MED4: variants seen among roughly 807,000 people sequenced by gnomAD.
MED4 encodes mediator of RNA polymerase II transcription subunit 4.
A neutral mutation model predicts 35.0 loss-of-function variants in MED4; 21 were observed. The ratio of observed to expected loss-of-function variants is 0.60; its 90% confidence interval spans 0.43 to 0.86. The LOEUF (loss-of-function observed/expected upper bound fraction) is 0.86. Ranked by LOEUF, MED4 falls within the 40% of genes least tolerant of loss-of-function variation. MED4 has a pLI of 0.00. For missense variants in MED4, 300 were observed against 319.4 expected (o/e 0.94, Z 0.46); for synonymous variants, 138 against 114.0 (o/e 1.21, Z -1.34).
At chr13:48,088,097 A>C (rs924704991) in intron 2 of MED4, among the ~76,000 whole-genome samples, 6 of 152,192 alleles carry the variant, frequency 3.9e-5, no homozygotes, top group Non-Finnish European at 8.8e-5. Flanking sequence ...AGGATTCATG[A>C]TATATTGCAC....
chr13:48,083,561 T>C (rs1444133314), intron 3 of MED4, 133 bp from the exon 4 acceptor site: 2 of 625,524 alleles, frequency 3.2e-6, no homozygotes, highest in Admixed American at 6.6e-5. Context: ...AATTTATTTG[T>C]AATGTTCTGA....
intron 1 of MED4, among the ~76,000 whole-genome samples, chr13:48,091,379 G>C (rs1374648335): frequency 1.3e-5 from 2 of 152,160 alleles, no homozygotes; most frequent in African/African-American, 2.4e-5. Context: ...GAGAAATTAT[G>C]CAGAAGGGGC....
At position 48,075,840 on chromosome 13, in the gene MED4, C is replaced by G. The variant is rs1016297891; in HGVS notation, c.*1299G>C. 8 of 152,114 alleles carry G rather than the reference C, an allele frequency of 5.3e-5. No individual in the cohort carries two copies. Among genetic ancestry groups the G allele is most frequent in the Non-Finnish European group, 8.8e-5 (6 of 68,018 alleles). 9.4% of individuals were successfully genotyped at this position (152,114 alleles called of 1,614,324 possible). On this transcript the variant is annotated 3_prime_UTR_variant, in exon 7 of 7. Coordinates refer to ENST00000258648, the MANE Select transcript of MED4 (RefSeq NM_014166.4). The stretch of plus-strand genomic sequence containing the variant: ...TGTTAGTCCATTCCTAAAAATAACC[C>G]TGGAGGGAAAGACATTCAAACATTG...
intron 4 of MED4, 123 bp downstream of exon 4, chr13:48,083,248 C>T (rs1950823349): frequency 2.7e-6 from 2 of 728,156 alleles, no homozygotes; most frequent in South Asian, 2.1e-5. Context: ...ACACACTTTA[C>T]AATAAAAATT....
At chr13:48,090,047 A>ATTG (rs760421128) in intron 2 of MED4, among the ~76,000 whole-genome samples, 4 of 152,220 alleles carry the variant, frequency 2.6e-5, no homozygotes, top group Non-Finnish European at 4.4e-5. Context: ...TCCATACAAC[A>ATTG]AGCCTTTCTT....
At chr13:48,093,551 T>C (rs1415038500) in intron 1 of MED4, 1 of 467,858 alleles carries the variant, frequency 2.1e-6, no homozygotes, top group Non-Finnish European at 4.4e-6. Flanking sequence ...TAACTACCTC[T>C]GAGTGAACAC....
chr13:48,081,587 G>A, intron 5 of MED4, 58 bp downstream of exon 5: 1 of 1,165,374 alleles, frequency 8.6e-7, no homozygotes, highest in East Asian at 2.4e-5. Context: ...TCTGTACATA[G>A]TCACCTAAGA....
At chr13:48,077,903 T>A (rs562869961) in intron 6 of MED4, among the ~76,000 whole-genome samples, 11 of 152,332 alleles carry the variant, frequency 7.2e-5, no homozygotes, top group African/African-American at 2.6e-4. Context: ...TGTATCTATG[T>A]ATCTATTATA....
chr13:48,084,855 A>G (rs1367478582), intron 3 of MED4, among the ~76,000 whole-genome samples: 1 of 150,868 alleles, frequency 6.6e-6, no homozygotes, highest in East Asian at 1.9e-4. Context: ...TATATATATA[A>G]TATATACAAA....
rs534609712 is a variant in MED4 at position 48,079,772 on chromosome 13, G to A, written c.640+72C>T. On this transcript the variant is annotated intron_variant, in intron 6 of 6. Transcript: ENST00000258648. Reference sequence around the variant, plus strand: ...TCGGGAATCTCAAACTTGCTTTACCGCCAGATATTCCAACCTTGTCATCTC... The same window carrying A: ...TCGGGAATCTCAAACTTGCTTTACCACCAGATATTCCAACCTTGTCATCTC... The A allele has an allele frequency of 1.5e-5, 23 of 1,515,750 alleles. No homozygotes were observed. In the East Asian group the frequency reaches 3.6e-4, roughly 24 times the overall value. The allele number at this position is 1,515,750 out of a possible 1,614,324, so 93.9% of individuals were successfully genotyped here.
chr13:48,093,512 A>G (rs1950904047), intron 1 of MED4: 1 of 402,548 alleles, frequency 2.5e-6, no homozygotes, highest in Non-Finnish European at 5.1e-6. Flanking sequence ...GAGACTGACA[A>G]ACTTCACAGA....
intron 1 of MED4, among the ~76,000 whole-genome samples, chr13:48,094,100 G>C (rs1483807760): frequency 6.6e-6 from 1 of 152,166 alleles, no homozygotes; most frequent in Non-Finnish European, 1.5e-5. Flanking sequence ...GCAGAAAAGT[G>C]ATATAAGATG....
intron 1 of MED4, among the ~76,000 whole-genome samples, chr13:48,091,840 T>C (rs1180732025): frequency 6.6e-6 from 1 of 152,114 alleles, no homozygotes; most frequent in South Asian, 2.1e-4. Flanking sequence ...GCTACTTCAA[T>C]AGGGTGGTCA....
At chr13:48,089,188 GA>G (rs11298770) in intron 2 of MED4, among the ~76,000 whole-genome samples, 151,932 of 152,016 alleles carry the variant, frequency 1, 75,924 homozygotes, top group Middle Eastern at 1. Flanking sequence ...TTTCTTTTTT[GA>G]AAAAAAACAA....
At chr13:48,087,570 G>A (rs1050374134) in intron 2 of MED4, among the ~76,000 whole-genome samples, 4 of 151,918 alleles carry the variant, frequency 2.6e-5, no homozygotes, top group African/African-American at 4.8e-5. Context: ...CGGTGATTTC[G>A]GCCAGGCGCA....
At chr13:48,081,915 C>G (rs896105021) in intron 4 of MED4, among the ~76,000 whole-genome samples, 184 bp from the exon 5 acceptor site, 2 of 152,150 alleles carry the variant, frequency 1.3e-5, no homozygotes, top group Non-Finnish European at 2.9e-5. Context: ...AAAAACAGGA[C>G]ACTAATCCAG....
At chr13:48,085,359 G>A (rs949002928) in intron 3 of MED4, among the ~76,000 whole-genome samples, 1 of 152,030 alleles carries the variant, frequency 6.6e-6, no homozygotes, top group Non-Finnish European at 1.5e-5. Flanking sequence ...TTGTAATAGA[G>A]ACAGGGTTTC....
At chr13:48,077,867 A>C (rs1950773158) in intron 6 of MED4, among the ~76,000 whole-genome samples, 1 of 152,212 alleles carries the variant, frequency 6.6e-6, no homozygotes, top group Non-Finnish European at 1.5e-5. Context: ...TTCTTTTGTA[A>C]GACATTTGTA....
intron 3 of MED4, among the ~76,000 whole-genome samples, chr13:48,084,771 T>A (rs1289844533): frequency 6.6e-6 from 1 of 152,030 alleles, no homozygotes; most frequent in Non-Finnish European, 1.5e-5. Flanking sequence ...CATTTTTCTG[T>A]ATTTTCTGAA....
Sources: gnomAD v4.1 joint callset for allele counts (sites outside exome capture counted in the v4.1 genomes callset) on GRCh38, gnomAD v4.1.1 for gene constraint, MANE v1.5 for transcripts, NCBI Gene and HGNC (gene_info 2026-07-23, HGNC 2026-07-21) for gene names.